Variants in TRAPPC8 observed in about 807,000 individuals in gnomAD.
The protein encoded by TRAPPC8 is trafficking protein particle complex subunit 8.
In TRAPPC8, 54 loss-of-function variants were observed where a neutral mutation model predicts 174.3. The observed-to-expected ratio is 0.31, with a 90% CI of 0.25 to 0.39. TRAPPC8 has a LOEUF of 0.39. TRAPPC8 is among the 10% of genes least tolerant of loss of function. TRAPPC8 has a pLI of 1.00. For synonymous variants in TRAPPC8, 630 were observed against 579.9 expected, an observed-to-expected ratio of 1.09 and a Z score of -1.24; for missense variants, 1,531 against 1,699.1, an observed-to-expected ratio of 0.90 and a Z score of 1.74.
rs767661948 is a variant in TRAPPC8 at position 31,874,558 on chromosome 18, C to T, written c.1875G>A (p.Arg625=). The T allele has an allele frequency of 2.5e-6, 4 of 1,613,938 alleles. No homozygotes were observed. Among genetic ancestry groups the T allele is most frequent in the Non-Finnish European group, 3.4e-6 (4 of 1,180,002 alleles). Residue 625 remains arginine (R), a synonymous_variant, in exon 13 of 29, where the codon AGG becomes AGA. Coordinates refer to ENST00000283351, the MANE Select transcript of TRAPPC8 (RefSeq NM_014939.5). ...GTTTACTTTCATTAATTAGAATATG[C>T]CTAAAAGCAGACACAGCATTATCCA... ...RQLDNAVSAF[R]HILINESKQS...
intron 1 of TRAPPC8, 145 bp downstream of exon 1, chr18:31,942,463 G>T: frequency 9.0e-7 from 1 of 1,112,604 alleles, no homozygotes; most frequent in Non-Finnish European, 1.2e-6. Context: ...GCCGCCCCCG[G>T]AGCACCGCGG....
At position 31,881,892 on chromosome 18, in the gene TRAPPC8, C is replaced by A. The variant is rs571928738; in HGVS notation, c.1729-7188G>T. ...AAAAATATGAAAAAATACTGAACAT[C>A]ACTAATCATTAGAGAAATGTAAATC... On this transcript the variant is annotated intron_variant, in intron 12 of 28. Transcript: ENST00000283351. Among the ~76,000 whole-genome samples the A allele has an allele frequency of 3.1e-4, 47 of 152,202 alleles. 1 individual carries two copies. The highest frequency in any genetic ancestry group is 9.8e-4 in the Admixed American group (15 of 15,294).
rs551197291 is a variant in TRAPPC8 at position 31,832,276 on chromosome 18, T to C, written c.3984-103A>G. 56 of 455,184 alleles carry C rather than the reference T, an allele frequency of 1.2e-4. 1 individual carries two copies. In the Admixed American group the frequency reaches 2.4e-3, roughly 20 times the overall value. The allele number at this position is 455,184 out of a possible 1,614,324, so 28.2% of individuals were successfully genotyped here. Reference sequence around the variant, plus strand: ...ACTATGTAACAGAGCATAAGCTCCTTAAAAACAATCAGATTCAAGAAGGAA... The same window carrying C: ...ACTATGTAACAGAGCATAAGCTCCTCAAAAACAATCAGATTCAAGAAGGAA... On this transcript the variant is annotated intron_variant, in intron 27 of 28. Coordinates refer to ENST00000283351, the MANE Select transcript of TRAPPC8 (RefSeq NM_014939.5).
chr18:31,866,997 T>C (rs1239805727), intron 17 of TRAPPC8, 22 bp from the exon 18 acceptor site: 2 of 1,609,782 alleles, frequency 1.2e-6, no homozygotes, highest in Non-Finnish European at 1.7e-6. Context: ...TTTAAGTCAG[T>C]CTTATTATGT....
At chr18:31,873,007 C>CTTTTTTTT (rs59209328) in intron 14 of TRAPPC8, among the ~76,000 whole-genome samples, 21 of 74,626 alleles carry the variant, frequency 2.8e-4, no homozygotes, top group African/African-American at 1.1e-3. Flanking sequence ...ATTCATTTTC[C>CTTTTTTTT]TTTTTTTTTT....
At chr18:31,932,632 T>C (rs1021773542) in intron 1 of TRAPPC8, among the ~76,000 whole-genome samples, 3 of 152,060 alleles carry the variant, frequency 2.0e-5, no homozygotes, top group Admixed American at 6.6e-5. Flanking sequence ...CAGAACAAAA[T>C]GTGAGCATAT....
chr18:31,867,595 T>TAA, intron 16 of TRAPPC8, 119 bp from the exon 17 acceptor site: 8 of 716,080 alleles, frequency 1.1e-5, no homozygotes, highest in South Asian at 1.9e-5. Context: ...TTACTTGGTT[T>TAA]TTACCACATG....
At chr18:31,942,030 T>A (rs902793935) in intron 1 of TRAPPC8, among the ~76,000 whole-genome samples, 1 of 152,254 alleles carries the variant, frequency 6.6e-6, no homozygotes, top group East Asian at 1.9e-4. Context: ...CTTCAAGTTT[T>A]ATTCTTCTTA....
chr18:31,837,039 G>A (rs1240593562), intron 27 of TRAPPC8, among the ~76,000 whole-genome samples: 2 of 152,172 alleles, frequency 1.3e-5, no homozygotes, highest in East Asian at 3.9e-4. Context: ...TGGGATTACA[G>A]GCGTGAGCCA....
At chr18:31,885,390 T>G (rs922014604) in intron 12 of TRAPPC8, among the ~76,000 whole-genome samples, 1 of 152,104 alleles carries the variant, frequency 6.6e-6, no homozygotes, top group East Asian at 1.9e-4. Context: ...AAACGATCCT[T>G]TGACTAAAAA....
chr18:31,902,403 A>C (rs1303945473), intron 9 of TRAPPC8, among the ~76,000 whole-genome samples: 1 of 152,220 alleles, frequency 6.6e-6, no homozygotes, highest in Non-Finnish European at 1.5e-5. Flanking sequence ...CCTCTTGGTC[A>C]CAGCAAGAGG....
At position 31,943,034 on chromosome 18, in the gene TRAPPC8, T is replaced by A; in HGVS notation, c.-270A>T. 1 of 563,036 alleles carries A rather than the reference T, an allele frequency of 1.8e-6. No homozygotes were observed. Among genetic ancestry groups the A allele is most frequent in the Non-Finnish European group, 2.7e-6 (1 of 374,430 alleles). 34.9% of individuals were successfully genotyped at this position (563,036 alleles called of 1,614,324 possible). ...CCCCGATAGGTGGAGACGCCGACAGTCACCACTTAGTCCTTCGGACGGCAA... is the reference window on the plus strand; with the variant it reads ...CCCCGATAGGTGGAGACGCCGACAGACACCACTTAGTCCTTCGGACGGCAA... On this transcript the variant is annotated 5_prime_UTR_variant, in exon 1 of 29. Coordinates refer to ENST00000283351, the MANE Select transcript of TRAPPC8 (RefSeq NM_014939.5).
chr18:31,860,041 T>A (rs1450133862), intron 19 of TRAPPC8, among the ~76,000 whole-genome samples: 3 of 152,006 alleles, frequency 2.0e-5, no homozygotes, highest in Non-Finnish European at 2.9e-5. Flanking sequence ...ACAAGTATAT[T>A]TAGCCTTTAC....
chr18:31,876,102 T>C (rs540391026), intron 12 of TRAPPC8, among the ~76,000 whole-genome samples: 1 of 152,324 alleles, frequency 6.6e-6, no homozygotes, highest in South Asian at 2.1e-4. Flanking sequence ...TTGATCTTTA[T>C]AAATTATATG....
chr18:31,941,935 C>T, intron 1 of TRAPPC8, among the ~76,000 whole-genome samples: 1 of 152,224 alleles, frequency 6.6e-6, no homozygotes. Context: ...ACATTTCCAT[C>T]CCTATAACTA....
chr18:31,931,527 T>A lies in TRAPPC8; in HGVS notation c.158-4A>T. ...TTATTAGGATCTCTCATGTGAACTT[T>A]AAAGAAAAAAAGAAAAAAACTTGAA... is the stretch of plus-strand genomic sequence containing the variant. On this transcript the variant is annotated splice_polypyrimidine_tract_variant and splice_region_variant and intron_variant, in intron 1 of 28. Coordinates refer to ENST00000283351, the MANE Select transcript of TRAPPC8 (RefSeq NM_014939.5). The A allele has an allele frequency of 6.5e-7, 1 of 1,533,444 alleles. No homozygotes were observed. Among genetic ancestry groups the A allele is most frequent in the Non-Finnish European group, 8.8e-7 (1 of 1,141,342 alleles). The allele number at this position is 1,533,444 out of a possible 1,614,324, so 95.0% of individuals were successfully genotyped here.
At chr18:31,923,517 G>A (rs2037476401) in intron 2 of TRAPPC8, among the ~76,000 whole-genome samples, 1 of 152,120 alleles carries the variant, frequency 6.6e-6, no homozygotes, top group African/African-American at 2.4e-5. Context: ...TGAAAAGTAT[G>A]CTGACTCACA....
intron 10 of TRAPPC8, among the ~76,000 whole-genome samples, chr18:31,898,612 T>TC (rs2036280744): frequency 1.3e-5 from 2 of 152,216 alleles, no homozygotes; most frequent in South Asian, 4.1e-4. Context: ...TTAGGTATTT[T>TC]CCCCCTGGTA....
intron 12 of TRAPPC8, 36 bp from the exon 13 acceptor site, chr18:31,874,740 C>T (rs1169303653): frequency 2.0e-5 from 31 of 1,562,352 alleles, no homozygotes; most frequent in Non-Finnish European, 2.7e-5. Context: ...TATTATACTC[C>T]AAATTTGTTT....
Sources: gnomAD v4.1 joint callset for allele counts (sites outside exome capture counted in the v4.1 genomes callset) on GRCh38, gnomAD v4.1.1 for gene constraint, MANE v1.5 for transcripts, NCBI Gene and HGNC (gene_info 2026-07-23, HGNC 2026-07-21) for gene names.